Variants in KALRN observed in about 807,000 individuals in gnomAD.
KALRN encodes kalirin RhoGEF kinase.
In KALRN, 70 loss-of-function variants were observed where a neutral mutation model predicts 353.7. The ratio of observed to expected loss-of-function variants is 0.20; its 90% CI spans 0.16 to 0.24. The LOEUF is 0.24. KALRN is among the 10% of genes least tolerant of loss of function. The pLI, the probability that KALRN is intolerant of heterozygous loss-of-function variation, is 1.00. For missense variants in KALRN, 2,791 were observed against 3,756.7 expected, an observed-to-expected ratio of 0.74 and a Z score of 6.72; for synonymous variants, 1,391 against 1,434.8, an observed-to-expected ratio of 0.97 and a Z score of 0.69.
chr3:124,127,665 A>G (rs149191244), intron 1 of KALRN, among the ~76,000 whole-genome samples: 2 of 152,292 alleles, frequency 1.3e-5, no homozygotes, highest in African/African-American at 4.8e-5. Context: ...TTCAGTGACA[A>G]AGTGCTCATG....
At chr3:124,611,016 C>T (rs1192125218) in intron 34 of KALRN, among the ~76,000 whole-genome samples, 1 of 151,924 alleles carries the variant, frequency 6.6e-6, no homozygotes, top group Non-Finnish European at 1.5e-5. Context: ...AGAGTGATAC[C>T]CTGTCTCAAA....
chr3:124,498,556 T>C (rs1444070869), intron 33 of KALRN, among the ~76,000 whole-genome samples: 2 of 152,216 alleles, frequency 1.3e-5, no homozygotes, highest in Non-Finnish European at 1.5e-5. Flanking sequence ...CAGACAGATA[T>C]ATGAACATTG....
At chr3:124,336,487 G>A (rs903459803) in intron 9 of KALRN, among the ~76,000 whole-genome samples, 3 of 151,980 alleles carry the variant, frequency 2.0e-5, no homozygotes, top group Non-Finnish European at 4.4e-5. Context: ...CAATATCCAT[G>A]GTGTCCTCTT....
In KALRN at chr3:124,659,334, T is replaced by C. The variant is rs200434168; in HGVS notation, c.6124-31T>C. On this transcript the variant is annotated intron_variant, in intron 42 of 59. Transcript: ENST00000682506. The stretch of plus-strand genomic sequence containing the variant: ...AAAGCACCCCAGTTCTTCAGTTCCT[T>C]TTTCTTCTAATATTGCTGCCTGTGT... 74 of 1,510,122 alleles carry C rather than the reference T, an allele frequency of 4.9e-5. 1 individual carries two copies. In the Middle Eastern group the frequency reaches 1.9e-3, roughly 38 times the overall value. The allele number at this position is 1,510,122 out of a possible 1,614,324, so 93.5% of individuals were successfully genotyped here. A position where few individuals can be genotyped will look rare whatever the true frequency, so the allele number is the denominator to read the frequency against.
In KALRN at chr3:124,466,034, CTGTGTGTGTGTGTG is replaced by C. The variant is rs10639598; in HGVS notation, c.4031+3431_4031+3444del. 3.4e-3 allele frequency among the ~76,000 whole-genome samples: 502 copies of C among 147,454 alleles called. 4 individuals carry two copies. The highest frequency in any genetic ancestry group is 0.027 in the East Asian group (132 of 4,926). On this transcript the variant is annotated intron_variant, in intron 25 of 59. Transcript: ENST00000682506. ...ACCAGGATTAGTTCTCTCTCTTGCT[CTGTGTGTGTGTGTG>C]TGTGTGTGTGTGTGTGTGTGTGTGT...
intron 14 of KALRN, among the ~76,000 whole-genome samples, chr3:124,421,411 A>G (rs1033056354): frequency 2.0e-5 from 3 of 152,214 alleles, no homozygotes; most frequent in African/African-American, 7.2e-5. Context: ...GCAGTGGTCT[A>G]TATTTATTGT....
In KALRN at chr3:124,194,849, GT is replaced by G. The variant is rs1238995473; in HGVS notation, c.74-33139del. On this transcript the variant is annotated intron_variant, in intron 1 of 59. Transcript: ENST00000682506. ...CTTTCTGGGTGGGCCCTTATCTGCT[GT>G]TCCATGAGAAAAGGGTTGCATGCTG... 7.2e-5 allele frequency among the ~76,000 whole-genome samples: 11 copies of G among 152,208 alleles called. No homozygotes were observed. In the East Asian group the frequency reaches 2.1e-3, roughly 29 times the overall value.
chr3:124,258,062 T>A (rs2072294732), intron 3 of KALRN, among the ~76,000 whole-genome samples: 1 of 152,098 alleles, frequency 6.6e-6, no homozygotes, highest in Non-Finnish European at 1.5e-5. Flanking sequence ...TTGAGCACAG[T>A]GAATGAGAGA....
chr3:124,044,395 C>G (rs1409834155), intron 1 of KALRN, among the ~76,000 whole-genome samples: 1 of 152,140 alleles, frequency 6.6e-6, no homozygotes. Context: ...CAGGAACTTA[C>G]CAGCTTTGTG....
At chr3:124,112,836 TG>T (rs2063114181) in intron 1 of KALRN, among the ~76,000 whole-genome samples, 1 of 152,018 alleles carries the variant, frequency 6.6e-6, no homozygotes, top group Non-Finnish European at 1.5e-5. Context: ...AGCTGGGTTT[TG>T]GGGGAGGGTG....
intron 25 of KALRN, among the ~76,000 whole-genome samples, chr3:124,473,795 T>C (rs979925638): frequency 5.9e-5 from 9 of 152,222 alleles, no homozygotes; most frequent in African/African-American, 2.2e-4. Flanking sequence ...GATAAGCGCA[T>C]TCATGATTTA....
Position 124,264,645 on chromosome 3 carries a change from G to A in KALRN, c.411G>A (p.Trp137Ter), listed in dbSNP as rs763062554. 1 of 1,614,152 alleles carries A rather than the reference G, an allele frequency of 6.2e-7. No homozygotes were observed. Among genetic ancestry groups the A allele is most frequent in the South Asian group, 1.1e-5 (1 of 91,074 alleles). Reference sequence around the variant, plus strand: ...TCATCATTAAACCCGACAACTTCTGGCAGAAACAGAAGACCAACTTTGGCA... The same window carrying A: ...TCATCATTAAACCCGACAACTTCTGACAGAAACAGAAGACCAACTTTGGCA... ...VALIIKPDNF[W>*]QKQKTNFGSS... Residue 137 changes from tryptophan to a stop codon, truncating the protein, a stop_gained, in exon 4 of 60, where the codon TGG (tryptophan) becomes TGA (stop). Transcript: ENST00000682506. LOFTEE classifies it high-confidence loss of function.
rs1045128803 is a variant in KALRN at position 124,649,012 on chromosome 3, G to C, written c.5665-1796G>C. On this transcript the variant is annotated intron_variant, in intron 37 of 59. Transcript: ENST00000682506. ...TGTTCTGTGAATACTTTTATCTCAA[G>C]TTAAAAGAAATTCTCTCTTGAGTTT... 3.9e-5 allele frequency among the ~76,000 whole-genome samples: 6 copies of C among 152,224 alleles called. No homozygotes were observed. In the Middle Eastern group the frequency reaches 0.017, roughly 431 times the overall value.
At chr3:124,097,456 C>A (rs1024370219) in intron 1 of KALRN, among the ~76,000 whole-genome samples, 1 of 152,166 alleles carries the variant, frequency 6.6e-6, no homozygotes, top group African/African-American at 2.4e-5. Context: ...AAGTAACAGG[C>A]CTCAAGAAAG....
chr3:124,401,722 T>C (rs2090902002), intron 13 of KALRN, among the ~76,000 whole-genome samples: 1 of 152,058 alleles, frequency 6.6e-6, no homozygotes, highest in Admixed American at 6.5e-5. Context: ...GGGGTCTTAT[T>C]CCCTTGTCTT....
chr3:124,628,732 C>T (rs185081815), intron 34 of KALRN, among the ~76,000 whole-genome samples: 78 of 146,746 alleles, frequency 5.3e-4, no homozygotes, highest in Admixed American at 2.1e-3. Context: ...TGTGCCACCA[C>T]ACCTGGCTAA....
At chr3:124,404,863 G>A (rs956517091) in intron 13 of KALRN, among the ~76,000 whole-genome samples, 1 of 151,914 alleles carries the variant, frequency 6.6e-6, no homozygotes, top group African/African-American at 2.4e-5. Context: ...GCCCATCATC[G>A]AGTCCAATTT....
intron 33 of KALRN, among the ~76,000 whole-genome samples, chr3:124,536,175 C>A (rs577552381): frequency 5.4e-5 from 8 of 149,030 alleles, no homozygotes; most frequent in African/African-American, 1.5e-4. Flanking sequence ...GAGGCACTTG[C>A]AAGTCTTTGC....
At chr3:124,616,233 C>A (rs2078577607) in intron 34 of KALRN, among the ~76,000 whole-genome samples, 2 of 152,126 alleles carry the variant, frequency 1.3e-5, no homozygotes, top group South Asian at 2.1e-4. Flanking sequence ...CCAGAGCCAC[C>A]CTGCTTAACT....
Sources: gnomAD v4.1 joint callset for allele counts (sites outside exome capture counted in the v4.1 genomes callset) on GRCh38, gnomAD v4.1.1 for gene constraint, MANE v1.5 for transcripts, NCBI Gene and HGNC (gene_info 2026-07-23, HGNC 2026-07-21) for gene names.